TRANK1: variants seen among roughly 807,000 people sequenced by gnomAD.
TRANK1 encodes TPR and ankyrin repeat-containing protein 1.
A neutral mutation model predicts 266.0 loss-of-function variants in TRANK1; 198 were observed. That is an observed-to-expected ratio of 0.74 (90% CI 0.66 to 0.84). The LOEUF (loss-of-function observed/expected upper bound fraction) is 0.84, where lower values mean the gene tolerates loss of function less well. Among genes scored for constraint, TRANK1 ranks in the 40% least tolerant of loss-of-function variants. The pLI is 0.00. For missense variants in TRANK1, 3,326 were observed against 3,634.6 expected, an observed-to-expected ratio of 0.92 and a Z score of 2.18; for synonymous variants, 1,396 against 1,384.1, an observed-to-expected ratio of 1.01 and a Z score of -0.19.
intron 8 of TRANK1, 115 bp from the exon 9 acceptor site, chr3:36,874,411 GTCTT>G: frequency 8.5e-7 from 1 of 1,177,246 alleles, no homozygotes; most frequent in South Asian, 1.6e-5. Flanking sequence ...GAGGACTAGG[GTCTT>G]CTGTTTGTGG....
intron 10 of TRANK1, among the ~76,000 whole-genome samples, chr3:36,862,903 CA>C (rs1483234873): frequency 1.3e-5 from 2 of 151,684 alleles, no homozygotes; most frequent in East Asian, 1.9e-4. Flanking sequence ...TTAGGAGAGT[CA>C]AAAAAAGTCA....
intron 11 of TRANK1, among the ~76,000 whole-genome samples, 155 bp downstream of exon 11, chr3:36,860,751 T>C (rs1361189625): frequency 2.0e-5 from 3 of 152,192 alleles, no homozygotes; most frequent in Non-Finnish European, 4.4e-5. Context: ...GGCAGTAACC[T>C]CCATCACTGT....
chr3:36,939,050 T>C (rs2080461718), intron 1 of TRANK1, among the ~76,000 whole-genome samples: 1 of 151,642 alleles, frequency 6.6e-6, no homozygotes, highest in South Asian at 2.1e-4. Flanking sequence ...GGCAGGAGAA[T>C]CGCTGGAACC....
Position 36,841,398 on chromosome 3 carries a change from A to C in TRANK1, c.5280+1224T>G, listed in dbSNP as rs180996451. Among the ~76,000 whole-genome samples, 3 of 152,362 alleles carry C rather than the reference A, an allele frequency of 2.0e-5. No individual in the cohort carries two copies. In the East Asian group the frequency reaches 5.8e-4, roughly 29 times the overall value. ...GAAAACATCATCTGCAGCTGCATGCATGCGGAACTCCAGGTGCCTGGGGTA... is the reference window on the plus strand; with the variant it reads ...GAAAACATCATCTGCAGCTGCATGCCTGCGGAACTCCAGGTGCCTGGGGTA... On this transcript the variant is annotated intron_variant, in intron 18 of 23. Coordinates refer to ENST00000645898, the MANE Select transcript of TRANK1 (RefSeq NM_001329998.2).
intron 1 of TRANK1, among the ~76,000 whole-genome samples, chr3:36,935,675 T>C (rs2080416255): frequency 6.6e-6 from 1 of 152,062 alleles, no homozygotes; most frequent in African/African-American, 2.4e-5. Flanking sequence ...TTGAACTCCT[T>C]ACCTGAGGTG....
chr3:36,898,323 G>A (rs904631282), intron 4 of TRANK1, among the ~76,000 whole-genome samples: 3 of 151,484 alleles, frequency 2.0e-5, no homozygotes, highest in Non-Finnish European at 4.4e-5. Context: ...GGTGGTAGGC[G>A]CCTGTAATCC....
upstream of TRANK1, among the ~76,000 whole-genome samples, chr3:36,945,652 C>T (rs1052709505): frequency 3.3e-5 from 5 of 152,128 alleles, no homozygotes; most frequent in African/African-American, 7.2e-5. Context: ...AGTAGTGGGT[C>T]GGAGAGGACC....
chr3:36,876,234 C>A (rs1450704909), intron 8 of TRANK1, among the ~76,000 whole-genome samples: 2 of 152,380 alleles, frequency 1.3e-5, no homozygotes, highest in Non-Finnish European at 2.9e-5. Flanking sequence ...CTGACACACA[C>A]CCCTGTGACA....
At chr3:36,858,628 AC>A in intron 12 of TRANK1, 89 bp downstream of exon 12, 1 of 1,365,046 alleles carries the variant, frequency 7.3e-7, no homozygotes, top group African/African-American at 1.5e-5. Flanking sequence ...TCACTGGTTT[AC>A]ACAAAAGGAA....
At chr3:36,926,053 G>A (rs188748062) in intron 1 of TRANK1, among the ~76,000 whole-genome samples, 46 of 152,222 alleles carry the variant, frequency 3.0e-4, no homozygotes, top group African/African-American at 1.1e-3. Flanking sequence ...TTACTGCCCA[G>A]ACAAAATTTC....
At chr3:36,916,880 A>G (rs1216759589) in intron 1 of TRANK1, among the ~76,000 whole-genome samples, 1 of 151,732 alleles carries the variant, frequency 6.6e-6, no homozygotes, top group Non-Finnish European at 1.5e-5. Context: ...CAGTGGTGCA[A>G]TCTTGGCTCA....
In TRANK1 at chr3:36,908,399, T is replaced by C. The variant is rs1370405182; in HGVS notation, c.79A>G (p.Lys27Glu). Residue 27 changes from lysine to glutamate, a missense_variant, in exon 2 of 24, where the codon AAG (lysine) becomes GAG (glutamate). Transcript: ENST00000645898. ...ATGGCCAAAGAGAAGTTCCCATTCT[T>C]AAGAACCTGGTTGCCGGATTCTTTC... ...LLKESGNQVLKNGNFSLAIRK... is the reference protein window; with the variant it reads ...LLKESGNQVLENGNFSLAIRK... 4 of 1,232,220 alleles carry C rather than the reference T, an allele frequency of 3.2e-6. No individual in the cohort carries two copies. The highest frequency in any genetic ancestry group is 4.0e-6 in the Non-Finnish European group (4 of 988,002). 76.3% of individuals were successfully genotyped at this position (1,232,220 alleles called of 1,614,324 possible).
chr3:36,906,682 A>G (rs1004814557), intron 2 of TRANK1, among the ~76,000 whole-genome samples: 10 of 152,160 alleles, frequency 6.6e-5, no homozygotes, highest in African/African-American at 2.4e-4. Context: ...AGCTTTGAAG[A>G]TAAAGGAAGG....
Position 36,855,769 on chromosome 3 carries a change from C to T in TRANK1, c.3953G>A (p.Arg1318Gln), listed in dbSNP as rs745527401. ...VEMRTGDSDP[R>Q]VYVTFEVFKN... ...GAACACCTCAAACGTCACGTACACC[C>T]GGGGGTCACTGTCACCCGTACGCAT... The change falls in exon 13 of 24, where the codon CGG (arginine) becomes CAG (glutamine). Residue 1318 changes from arginine to glutamine, a missense_variant. Transcript: ENST00000645898. 25 of 1,613,502 alleles carry T rather than the reference C, an allele frequency of 1.5e-5. No homozygotes were observed. Among genetic ancestry groups the T allele is most frequent in the South Asian group, 9.9e-5 (9 of 91,078 alleles).
intron 10 of TRANK1, among the ~76,000 whole-genome samples, 170 bp downstream of exon 10, chr3:36,864,149 A>C (rs2125557420): frequency 6.6e-6 from 1 of 152,334 alleles, no homozygotes; most frequent in Non-Finnish European, 1.5e-5. Flanking sequence ...GTTGAAGTTC[A>C]GGGGTATGTA....
chr3:36,847,285 T>C lies in TRANK1; in HGVS notation c.4949A>G (p.Glu1650Gly). The C allele has an allele frequency of 6.2e-7, 1 of 1,613,696 alleles. No homozygotes were observed. The highest frequency in any genetic ancestry group is 8.5e-7 in the Non-Finnish European group (1 of 1,179,782). The part of the protein sequence containing the change: ...FTPTSTDSRE[E>G]NRPLVEVPLD... ...GGGTACTTCAACCAATGGCCGGTTT[T>C]CCTCTCTGGAGTCAGTTGAGGTAGG... Residue 1650 changes from glutamate to glycine, a missense_variant, in exon 16 of 24, where the codon GAA (glutamate) becomes GGA (glycine). Coordinates refer to ENST00000645898, the MANE Select transcript of TRANK1 (RefSeq NM_001329998.2).
intron 5 of TRANK1, among the ~76,000 whole-genome samples, chr3:36,893,887 CTTT>C (rs10646646): frequency 6.8e-6 from 1 of 146,176 alleles, no homozygotes; most frequent in Non-Finnish European, 1.5e-5. Flanking sequence ...GATACCCATT[CTTT>C]TTTTTTTTTT....
chr3:36,914,466 T>TTA (rs61679626), intron 1 of TRANK1, among the ~76,000 whole-genome samples: 1 of 150,040 alleles, frequency 6.7e-6, no homozygotes, highest in Admixed American at 6.6e-5. Flanking sequence ...TTTTTTTTTT[T>TTA]AAGTAAATTT....
chr3:36,881,286 T>C (rs892542951), intron 8 of TRANK1, among the ~76,000 whole-genome samples: 15 of 152,020 alleles, frequency 9.9e-5, no homozygotes, highest in Non-Finnish European at 1.5e-4. Context: ...ACCCCATCTC[T>C]ACTAAAAATA....
Sources: gnomAD v4.1 joint callset for allele counts (sites outside exome capture counted in the v4.1 genomes callset) on GRCh38, gnomAD v4.1.1 for gene constraint, MANE v1.5 for transcripts, NCBI Gene and HGNC (gene_info 2026-07-23, HGNC 2026-07-21) for gene names.